SMUG1: variants seen among roughly 807,000 people sequenced by gnomAD.
The protein encoded by SMUG1 is single-strand-selective monofunctional uracil-DNA glycosylase 1.
In SMUG1, 13 loss-of-function variants were observed where a neutral mutation model predicts 23.9. That is an observed-to-expected ratio of 0.54 (90% CI 0.35 to 0.86). The LOEUF is 0.86. Among genes scored for constraint, SMUG1 ranks in the 40% least tolerant of loss-of-function variants. The pLI is 0.01. For synonymous variants in SMUG1, 133 were observed against 139.8 expected (o/e 0.95, Z 0.34); for missense variants, 313 against 339.5 (o/e 0.92, Z 0.61).
At chr12:54,171,167 T>G (rs11170836) in intron 3 of SMUG1, among the ~76,000 whole-genome samples, 2 of 151,576 alleles carry the variant, frequency 1.3e-5, no homozygotes, top group Non-Finnish European at 2.9e-5. Context: ...ATCTGGCTAA[T>G]TTTTGTATTT....
At chr12:54,178,621 AGT>A (rs980780331), downstream of SMUG1, among the ~76,000 whole-genome samples, 28 of 152,118 alleles carry the variant, frequency 1.8e-4, 2 homozygotes, top group African/African-American at 5.8e-4. Flanking sequence ...GGGTATTTTC[AGT>A]GTGTGTGTTC....
chr12:54,158,572 C>T (rs572465285), intron 4 of SMUG1, among the ~76,000 whole-genome samples: 1 of 152,212 alleles, frequency 6.6e-6, no homozygotes, highest in Admixed American at 6.5e-5. Context: ...TCAGTGCCCC[C>T]GGGGAGAAGT....
At chr12:54,171,963 T>G (rs529379242) in intron 3 of SMUG1, 2 of 405,240 alleles carry the variant, frequency 4.9e-6, no homozygotes, top group African/African-American at 2.0e-5. Context: ...GTATCAAAAA[T>G]TTGACCACTC....
chr12:54,178,514 T>C (rs1042378464), downstream of SMUG1, among the ~76,000 whole-genome samples: 1 of 152,142 alleles, frequency 6.6e-6, no homozygotes, highest in Non-Finnish European at 1.5e-5. Context: ...CCCTATAGAC[T>C]CATCCCCTCT....
Position 54,182,280 on chromosome 12 carries a change from A to T in SMUG1, c.629T>A (p.Val210Glu), listed in dbSNP as rs750519062. ...RQVQLLGVRL[V>E]VGVGRLAEQR... ...CTCTGCCAGTCGCCCAACTCCCACC[A>T]CCAGCCGCACCCCCAGCAGCTGCAC... Residue 210 changes from valine to glutamate, a missense_variant, in exon 4 of 4, where the codon GTG (valine) becomes GAG (glutamate). Val to Glu is a moderately radical substitution (Grantham distance 121, BLOSUM62 -2). Transcript: ENST00000682136. The T allele has an allele frequency of 5.0e-6, 8 of 1,610,660 alleles. No homozygotes were observed. Among genetic ancestry groups the T allele is most frequent in the Middle Eastern group, 1.6e-4 (1 of 6,066 alleles).
intron 3 of SMUG1, among the ~76,000 whole-genome samples, chr12:54,170,365 A>G (rs914882627): frequency 1.3e-5 from 2 of 152,068 alleles, no homozygotes; most frequent in African/African-American, 4.8e-5. Flanking sequence ...TAGGTTCTTG[A>G]GCAAGCATGG....
chr12:54,181,694 G>T lies in SMUG1; in HGVS notation c.*402C>A. On this transcript the variant is annotated 3_prime_UTR_variant, in exon 4 of 4. Transcript: ENST00000682136. ...AAAGGTAACTGTTCTATAAGGATGG[G>T]TAGGTATCCTGGCAAGATATTTCCT... The T allele has an allele frequency of 6.4e-7, 1 of 1,570,082 alleles. No individual in the cohort carries two copies. Among genetic ancestry groups the T allele is most frequent in the Non-Finnish European group, 8.6e-7 (1 of 1,164,064 alleles).
At chr12:54,159,404 G>A (rs946643079) in intron 4 of SMUG1, among the ~76,000 whole-genome samples, 14 of 152,268 alleles carry the variant, frequency 9.2e-5, no homozygotes, top group South Asian at 6.2e-4. Context: ...TCTGCAGCAG[G>A]AGAGTCAGGG....
intron 2 of SMUG1, chr12:54,175,099 C>T (rs963011925): frequency 7.2e-5 from 11 of 152,196 alleles, no homozygotes; most frequent in African/African-American, 2.7e-4. Flanking sequence ...AAGTTCTTTA[C>T]TTCTCTGGGG....
intron 3 of SMUG1, among the ~76,000 whole-genome samples, chr12:54,169,042 A>C (rs1025793957): frequency 3.3e-5 from 5 of 152,146 alleles, no homozygotes; most frequent in Non-Finnish European, 7.4e-5. Flanking sequence ...TCCCAGTCAG[A>C]TTGCCTCCCA....
At chr12:54,165,813 G>A (rs1940438682) in intron 3 of SMUG1, among the ~76,000 whole-genome samples, 1 of 152,176 alleles carries the variant, frequency 6.6e-6, no homozygotes, top group Admixed American at 6.5e-5. Context: ...TTACTGCAGA[G>A]GAACCCAAAA....
chr12:54,182,022 G>T lies in SMUG1; in HGVS notation c.*74C>A. On this transcript the variant is annotated 3_prime_UTR_variant, in exon 4 of 4. Transcript: ENST00000682136. ...AAGGACCTTTTGCTCCAGTCCAGGA[G>T]ATGTGTTGTCATCTGCTTGGCCAAG... 6.6e-7 allele frequency: 1 copy of T among 1,512,462 alleles called. No individual in the cohort carries two copies. Among genetic ancestry groups the T allele is most frequent in the South Asian group, 1.4e-5 (1 of 74,008 alleles). The allele number at this position is 1,512,462 out of a possible 1,614,324, so 93.7% of individuals were successfully genotyped here. A position where few individuals can be genotyped will look rare whatever the true frequency, so the allele number is the denominator to read the frequency against.
intron 3 of SMUG1, among the ~76,000 whole-genome samples, chr12:54,170,300 C>T (rs916739607): frequency 1.3e-5 from 2 of 152,076 alleles, no homozygotes; most frequent in Non-Finnish European, 2.9e-5. Flanking sequence ...CCCATCTAGC[C>T]GCAGCTCTCT....
In SMUG1 at chr12:54,181,911, CAG is replaced by C; in HGVS notation, c.*183_*184del. The C allele has an allele frequency of 7.0e-7, 1 of 1,438,378 alleles. No individual in the cohort carries two copies. Among genetic ancestry groups the C allele is most frequent in the Non-Finnish European group, 9.1e-7 (1 of 1,098,968 alleles). The allele number at this position is 1,438,378 out of a possible 1,614,324, so 89.1% of individuals were successfully genotyped here. On this transcript the variant is annotated 3_prime_UTR_variant, in exon 4 of 4. Coordinates refer to ENST00000682136, the MANE Select transcript of SMUG1 (RefSeq NM_001243787.2). The stretch of plus-strand genomic sequence containing the variant: ...AGAAAGCAGGAATCAGGAGGGCAAA[CAG>C]GAGTAGTGTCAAAACTGCCATGGCA...
intron 3 of SMUG1, among the ~76,000 whole-genome samples, chr12:54,171,415 G>C (rs1454285324): frequency 6.6e-6 from 1 of 151,324 alleles, no homozygotes; most frequent in Non-Finnish European, 1.5e-5. Context: ...CTTGTGGTCG[G>C]GCGCGGTGGC....
At chr12:54,184,464 C>T (rs548384283) in intron 2 of SMUG1, among the ~76,000 whole-genome samples, 8 of 152,304 alleles carry the variant, frequency 5.3e-5, no homozygotes, top group African/African-American at 1.4e-4. Context: ...AGGTGGTGAG[C>T]GACTGCTCTG....
At chr12:54,168,692 C>T (rs1007249057) in intron 3 of SMUG1, 1 of 152,170 alleles carries the variant, frequency 6.6e-6, no homozygotes, top group African/African-American at 2.4e-5. Flanking sequence ...TGAATGTTCC[C>T]TACCTGGCCT....
At chr12:54,158,943 C>T (rs1940136372) in intron 4 of SMUG1, among the ~76,000 whole-genome samples, 1 of 152,220 alleles carries the variant, frequency 6.6e-6, no homozygotes, top group African/African-American at 2.4e-5. Context: ...ATCTTGCCCT[C>T]TGTGGGATGG....
At chr12:54,175,755 C>G (rs1182674101), downstream of SMUG1, among the ~76,000 whole-genome samples, 1 of 152,196 alleles carries the variant, frequency 6.6e-6, no homozygotes, top group African/African-American at 2.4e-5. Flanking sequence ...AAAGAATCAT[C>G]TAATTCACCT....
Sources: allele counts gnomAD v4.1 joint callset (sites outside exome capture counted in the v4.1 genomes callset), GRCh38; gene constraint gnomAD v4.1.1; transcripts MANE v1.5; gene names NCBI Gene and HGNC (gene_info 2026-07-23, HGNC 2026-07-21).